RET: variants seen among roughly 807,000 people sequenced by gnomAD.
RET encodes the protein ret proto-oncogene.
Under a neutral mutation model 118.3 loss-of-function variants are expected in RET, and 19 were observed. That is an observed-to-expected ratio of 0.16 (90% CI 0.11 to 0.24). The LOEUF (loss-of-function observed/expected upper bound fraction) is 0.24. RET is among the 10% of genes least tolerant of loss of function. RET has a pLI of 1.00. For synonymous variants in RET, 597 were observed against 644.1 expected, an observed-to-expected ratio of 0.93 and a Z score of 1.11; for missense variants, 1,219 against 1,502.1, an observed-to-expected ratio of 0.81 and a Z score of 3.12.
At chr10:43,120,684 C>T (rs1406717911) in intron 15 of RET, among the ~76,000 whole-genome samples, 1 of 152,338 alleles carries the variant, frequency 6.6e-6, no homozygotes, top group East Asian at 1.9e-4. Flanking sequence ...CATAGGAACC[C>T]CCTGGACAGG....
At chr10:43,079,799 C>G (rs527667883) in intron 1 of RET, among the ~76,000 whole-genome samples, 40 of 152,350 alleles carry the variant, frequency 2.6e-4, no homozygotes, top group Non-Finnish European at 2.4e-4. Context: ...CAGCCCACCC[C>G]TGCCTGAAGC....
At position 43,128,396 on chromosome 10, in the gene RET, G is replaced by T; in HGVS notation, c.*127G>T. On this transcript the variant is annotated 3_prime_UTR_variant, in exon 20 of 20. Coordinates refer to ENST00000355710, the MANE Select transcript of RET (RefSeq NM_020975.6). Reference sequence around the variant, plus strand: ...TGTTCAGTTCCCAGGTGGCAGACTCGTTTTTGGTAGTTTGTTTTAACTTCC... The same window carrying T: ...TGTTCAGTTCCCAGGTGGCAGACTCTTTTTTGGTAGTTTGTTTTAACTTCC... 9.1e-7 allele frequency: 1 copy of T among 1,098,948 alleles called. No homozygotes were observed. 68.1% of individuals were successfully genotyped at this position (1,098,948 alleles called of 1,614,324 possible). A position where few individuals can be genotyped will look rare whatever the true frequency, so the allele number is the denominator to read the frequency against.
intron 1 of RET, among the ~76,000 whole-genome samples, chr10:43,092,505 G>C (rs1372986337): frequency 1.3e-5 from 2 of 152,208 alleles, no homozygotes; most frequent in African/African-American, 4.8e-5. Flanking sequence ...TTTAAAACTA[G>C]AATCTCTCTT....
chr10:43,090,905 C>T (rs895160519), intron 1 of RET, among the ~76,000 whole-genome samples: 5 of 150,704 alleles, frequency 3.3e-5, no homozygotes, highest in South Asian at 2.3e-4. Flanking sequence ...AGGGCGCTCT[C>T]GTGCCTGGAT....
At position 43,129,538 on chromosome 10, in the gene RET, C is replaced by T. The variant is rs9971097; in HGVS notation, c.*1269C>T. On this transcript the variant is annotated 3_prime_UTR_variant, in exon 20 of 20. Coordinates refer to ENST00000355710, the MANE Select transcript of RET (RefSeq NM_020975.6). ...CACAGATGCACAACACTCCTCCAGT[C>T]TTGTGGGGGCAGCTTTTGGGAAGTC... 4.2e-6 allele frequency: 1 copy of T among 237,504 alleles called. No homozygotes were observed. Among genetic ancestry groups the T allele is most frequent in the East Asian group, 6.0e-5 (1 of 16,662 alleles). The allele number at this position is 237,504 out of a possible 1,614,324, so 14.7% of individuals were successfully genotyped here. A position where few individuals can be genotyped will look rare whatever the true frequency, so the allele number is the denominator to read the frequency against.
In RET at chr10:43,128,172, C is replaced by T. The variant is rs753047418; in HGVS notation, c.3248C>T (p.Thr1083Ile). 6.2e-7 allele frequency: 1 copy of T among 1,614,212 alleles called. No individual in the cohort carries two copies. Among genetic ancestry groups the T allele is most frequent in the Non-Finnish European group, 8.5e-7 (1 of 1,180,042 alleles). ...SPVPLTRADG[T>I]NTGFPRYPND... ...GTACCACTCACGAGAGCTGATGGCACTAACACTGGGTTTCCAAGATATCCA... is the reference window on the plus strand; with the variant it reads ...GTACCACTCACGAGAGCTGATGGCATTAACACTGGGTTTCCAAGATATCCA... Residue 1083 changes from threonine (T) to isoleucine (I), a missense_variant, in exon 20 of 20, where the codon ACT becomes ATT. Coordinates refer to ENST00000355710, the MANE Select transcript of RET (RefSeq NM_020975.6).
rs2132677762 is a variant in RET, at chr10:43,102,356, C to T, written c.352C>T (p.Leu118=). The T allele has an allele frequency of 6.2e-7, 1 of 1,614,198 alleles. No homozygotes were observed. The highest frequency in any genetic ancestry group is 2.2e-5 in the East Asian group (1 of 44,890). ...TCTCTCTGCAGACCGCGGCTTTCCC[C>T]TGCTCACCGTCTACCTCAAGGTCTT... ...KLSVRNRGFP[L]LTVYLKVFLS... Residue 118 remains leucine, a synonymous_variant, in exon 3 of 20, where the codon CTG becomes TTG. Coordinates refer to ENST00000355710, the MANE Select transcript of RET (RefSeq NM_020975.6).
chr10:43,125,086 C>A, intron 18 of RET, 104 bp downstream of exon 18: 1 of 1,030,566 alleles, frequency 9.7e-7, no homozygotes, highest in Non-Finnish European at 1.5e-6. Context: ...AGTGTGGGGC[C>A]ACAGTGGGAT....
chr10:43,079,591 CCCACAG>C (rs1837133214), intron 1 of RET, among the ~76,000 whole-genome samples: 1 of 152,226 alleles, frequency 6.6e-6, no homozygotes, highest in Non-Finnish European at 1.5e-5. Flanking sequence ...ACCTCAACCT[CCCACAG>C]CTCCTCAGCA....
At chr10:43,105,311 A>G (rs1588866419) in intron 4 of RET, 118 bp downstream of exon 4, 2 of 1,482,650 alleles carry the variant, frequency 1.3e-6, no homozygotes, top group East Asian at 2.3e-5. Flanking sequence ...TCGCGCTTTC[A>G]TTTGTCCTTC....
chr10:43,098,264 C>T (rs1057133526), intron 1 of RET, among the ~76,000 whole-genome samples: 1 of 152,298 alleles, frequency 6.6e-6, no homozygotes, highest in Non-Finnish European at 1.5e-5. Context: ...CAAGCCCTAG[C>T]AATCACCATC....
intron 2 of RET, among the ~76,000 whole-genome samples, chr10:43,101,454 G>T (rs1160910427): frequency 1.3e-5 from 2 of 152,252 alleles, no homozygotes; most frequent in Admixed American, 6.5e-5. Flanking sequence ...CAGCCAGGGT[G>T]CAGGGGAGGG....
chr10:43,105,499 G>A (rs558360200), intron 4 of RET, among the ~76,000 whole-genome samples: 1 of 152,284 alleles, frequency 6.6e-6, no homozygotes, highest in South Asian at 2.1e-4. Flanking sequence ...CATCTGCCGG[G>A]AGGGCACTCC....
intron 19 of RET, chr10:43,127,044 T>A (rs1838351136): frequency 7.8e-7 from 1 of 1,278,460 alleles, no homozygotes; most frequent in Admixed American, 3.8e-5. Context: ...GGGGTGGGAA[T>A]CAAGTCATAG....
In RET at chr10:43,120,211, G is replaced by A; in HGVS notation, c.2730+8G>A. 3 of 1,612,382 alleles carry A rather than the reference G, an allele frequency of 1.9e-6. No individual in the cohort carries two copies. The highest frequency in any genetic ancestry group is 2.5e-6 in the Non-Finnish European group (3 of 1,179,960). On this transcript the variant is annotated splice_region_variant and intron_variant, in intron 15 of 19. Coordinates refer to ENST00000355710, the MANE Select transcript of RET (RefSeq NM_020975.6). ...TACGTGAAGAGGAGCCAGGTGCCCA[G>A]TCCCGGGGATGAGGCGGGGCTCCCA... is the stretch of plus-strand genomic sequence containing the variant.
chr10:43,126,021 C>T (rs1168124522), intron 18 of RET, among the ~76,000 whole-genome samples: 10 of 152,208 alleles, frequency 6.6e-5, no homozygotes, highest in East Asian at 1.9e-4. Context: ...CTGGGGAGCC[C>T]GTGCCTGTAG....
In RET at chr10:43,099,791, G is replaced by T. The variant is rs889677486; in HGVS notation, c.74-668G>T. Among the ~76,000 whole-genome samples the T allele has an allele frequency of 9.2e-5, 14 of 152,270 alleles. No homozygotes were observed. The East Asian group carries it at 2.7e-3, about 29-fold the overall frequency. On this transcript the variant is annotated intron_variant, in intron 1 of 19. Coordinates refer to ENST00000355710, the MANE Select transcript of RET (RefSeq NM_020975.6). ...ATGCCATGTGCGCTCTTCTCTGCCT[G>T]GCTTCCTCACCTTGGCATGGTTTGT...
At chr10:43,104,269 T>C (rs993741226) in intron 3 of RET, among the ~76,000 whole-genome samples, 11 of 150,322 alleles carry the variant, frequency 7.3e-5, no homozygotes, top group African/African-American at 1.9e-4. Flanking sequence ...TGAACACATA[T>C]TGCTTCCATA....
chr10:43,111,069 A>G (rs1452392721), intron 6 of RET, 138 bp from the exon 7 acceptor site: 20 of 1,198,142 alleles, frequency 1.7e-5, no homozygotes, highest in East Asian at 4.9e-5. Context: ...GGTGGAGGAC[A>G]GGGTGCTCGG....
Sources: allele counts gnomAD v4.1 joint callset (sites outside exome capture counted in the v4.1 genomes callset), GRCh38; gene constraint gnomAD v4.1.1; transcripts MANE v1.5; gene names NCBI Gene and HGNC (gene_info 2026-07-23, HGNC 2026-07-21).